RERE: variants seen among roughly 807,000 people sequenced by gnomAD.
The protein encoded by RERE is arginine-glutamic acid dipeptide repeats.
RERE carries 40 observed loss-of-function variants against 146.1 expected under a neutral mutation model. The ratio of observed to expected loss-of-function variants is 0.27; its 90% confidence interval spans 0.21 to 0.36. The LOEUF (loss-of-function observed/expected upper bound fraction) is 0.36. Ranked by LOEUF, RERE falls within the 10% of genes least tolerant of loss-of-function variation. The pLI is 1.00. For missense variants in RERE, 1,933 were observed against 2,138.7 expected, an observed-to-expected ratio of 0.90 and a Z score of 1.90; for synonymous variants, 1,003 against 866.0, an observed-to-expected ratio of 1.16 and a Z score of -2.78.
chr1:8,669,058 G>GTT (rs1638650794), intron 1 of RERE, among the ~76,000 whole-genome samples: 1 of 142,730 alleles, frequency 7.0e-6, no homozygotes, highest in Non-Finnish European at 1.5e-5. Flanking sequence ...GTGTGTGTGT[G>GTT]TGTGTGTGTG....
At chr1:8,797,862 A>C (rs995668449) in intron 1 of RERE, among the ~76,000 whole-genome samples, 1 of 152,244 alleles carries the variant, frequency 6.6e-6, no homozygotes, top group African/African-American at 2.4e-5. Context: ...TCTCATTTCA[A>C]ATTTGGGGCC....
chr1:8,807,806 G>C (rs1641718827), intron 1 of RERE, among the ~76,000 whole-genome samples: 1 of 152,128 alleles, frequency 6.6e-6, no homozygotes, highest in African/African-American at 2.4e-5. Context: ...ATCAACCAAA[G>C]AGTAGTAAGA....
intron 2 of RERE, among the ~76,000 whole-genome samples, chr1:8,648,328 C>A (rs1647427106): frequency 1.3e-5 from 2 of 152,106 alleles, no homozygotes; most frequent in African/African-American, 4.8e-5. Context: ...ACCTTCCATG[C>A]TTAAGGGATC....
chr1:8,406,847 A>C (rs1010731882), intron 12 of RERE, among the ~76,000 whole-genome samples: 2 of 152,120 alleles, frequency 1.3e-5, no homozygotes, highest in Non-Finnish European at 2.9e-5. Flanking sequence ...ATAATTTTAG[A>C]CCGCATTTTC....
At chr1:8,745,121 C>A (rs983775001) in intron 1 of RERE, among the ~76,000 whole-genome samples, 2 of 152,132 alleles carry the variant, frequency 1.3e-5, no homozygotes, top group Non-Finnish European at 2.9e-5. Context: ...ATAATCCCCA[C>A]GTGTCTAGGG....
At chr1:8,654,625 G>GTT (rs1457159066) in intron 2 of RERE, among the ~76,000 whole-genome samples, 155 of 148,162 alleles carry the variant, frequency 1.0e-3, no homozygotes, top group African/African-American at 3.7e-3. Flanking sequence ...AAAGGATCTT[G>GTT]TTTTGTTTTT....
At chr1:8,580,316 G>C (rs937854407) in intron 4 of RERE, among the ~76,000 whole-genome samples, 21 of 152,296 alleles carry the variant, frequency 1.4e-4, no homozygotes, top group African/African-American at 4.6e-4. Flanking sequence ...AGCATAACCA[G>C]TTTAATTGCA....
chr1:8,764,074 G>A (rs1640804309), intron 1 of RERE, among the ~76,000 whole-genome samples: 2 of 152,254 alleles, frequency 1.3e-5, no homozygotes, highest in East Asian at 3.9e-4. Flanking sequence ...AATCCTAGGA[G>A]GCTATTTCTC....
chr1:8,681,793 A>G (rs1638977829), intron 1 of RERE, among the ~76,000 whole-genome samples: 1 of 152,224 alleles, frequency 6.6e-6, no homozygotes, highest in East Asian at 1.9e-4. Context: ...AGAAATAAAG[A>G]AGTTTAATCT....
intron 1 of RERE, among the ~76,000 whole-genome samples, chr1:8,774,414 C>T (rs987940084): frequency 3.0e-5 from 4 of 133,574 alleles, no homozygotes; most frequent in African/African-American, 5.7e-5. Context: ...AGTGCAATGG[C>T]GCGATCTCGG....
At chr1:8,681,099 G>A (rs375672430) in intron 1 of RERE, among the ~76,000 whole-genome samples, 1 of 152,080 alleles carries the variant, frequency 6.6e-6, no homozygotes. Flanking sequence ...AAAACCATTC[G>A]TCTTTTCTAA....
chr1:8,473,430 G>C (rs1008812671), intron 10 of RERE, among the ~76,000 whole-genome samples: 1 of 152,214 alleles, frequency 6.6e-6, no homozygotes, highest in Non-Finnish European at 1.5e-5. Flanking sequence ...ACTATGCAAA[G>C]TGGACCTCAT....
intron 1 of RERE, among the ~76,000 whole-genome samples, chr1:8,671,025 A>G (rs1265037923): frequency 6.6e-6 from 1 of 152,218 alleles, no homozygotes; most frequent in African/African-American, 2.4e-5. Flanking sequence ...CCAAGCAACT[A>G]CAGTCATTTA....
At chr1:8,617,343 C>CAATAAAAAAAAAAA (rs1646865566) in intron 3 of RERE, among the ~76,000 whole-genome samples, 1 of 80,428 alleles carries the variant, frequency 1.2e-5, no homozygotes, top group Non-Finnish European at 2.3e-5. Flanking sequence ...AACTCTGTCT[C>CAATAAAAAAAAAAA]AAAAAAAAAA....
intron 5 of RERE, among the ~76,000 whole-genome samples, chr1:8,556,779 T>G (rs1473420): frequency 0.59 from 89,183 of 151,962 alleles, 26,776 homozygotes; most frequent in East Asian, 0.84. Flanking sequence ...AGTATCTTCT[T>G]GGCTATGTTT....
rs1238355397 is a variant in RERE, at chr1:8,423,481, G to A, written c.1204-674C>T. ...GCAGACTCGTCCCTAACCCCAGCCC[G>A]GAGACTTTCACTTTGTCCCATGCCT... On this transcript the variant is annotated intron_variant, in intron 11 of 22. Transcript: ENST00000400908. This position sits in a 1 kb window ranked among gnomAD's most constrained non-coding sequence, Gnocchi z 5.4. 2.0e-5 allele frequency: 19 copies of A among 943,496 alleles called. No individual in the cohort carries two copies. In the East Asian group the frequency reaches 5.8e-4, roughly 29 times the overall value. 58.4% of individuals were successfully genotyped at this position (943,496 alleles called of 1,614,324 possible).
chr1:8,775,560 G>A (rs1184626231), intron 1 of RERE, among the ~76,000 whole-genome samples: 1 of 152,096 alleles, frequency 6.6e-6, no homozygotes, highest in Non-Finnish European at 1.5e-5. Context: ...CTGCAGCCTG[G>A]GCAACACAGT....
chr1:8,707,752 T>C (rs766458786), intron 1 of RERE, among the ~76,000 whole-genome samples: 1 of 152,194 alleles, frequency 6.6e-6, no homozygotes, highest in African/African-American at 2.4e-5. Context: ...AGGATTGTAT[T>C]AGTACCAGTT....
Position 8,356,436 on chromosome 1 carries a change from G to A in RERE, c.4340-190C>T, listed in dbSNP as rs1013486487. ...CTCCACCTTCAGCAAGAGCTCCAGAGGCCGAGAGAAGTGACGAGCCCACCG... is the reference window on the plus strand; with the variant it reads ...CTCCACCTTCAGCAAGAGCTCCAGAAGCCGAGAGAAGTGACGAGCCCACCG... On this transcript the variant is annotated intron_variant, in intron 20 of 22. Transcript: ENST00000400908. This position sits in a 1 kb window ranked among gnomAD's most constrained non-coding sequence, Gnocchi z 5.2. 6.6e-6 allele frequency among the ~76,000 whole-genome samples: 1 copy of A among 152,142 alleles called. No individual in the cohort carries two copies. The highest frequency in any genetic ancestry group is 6.5e-5 in the Admixed American group (1 of 15,280).
Sources: allele counts gnomAD v4.1 joint callset (sites outside exome capture counted in the v4.1 genomes callset), GRCh38; gene constraint gnomAD v4.1.1; non-coding constraint Gnocchi (gnomAD v3.1); transcripts MANE v1.5; gene names NCBI Gene and HGNC (gene_info 2026-07-23, HGNC 2026-07-21).